The following DPP6 variants were observed in gnomAD, a reference collection of about 807,000 sequenced individuals.
DPP6 encodes dipeptidyl peptidase like 6, also known as A-type potassium channel modulatory protein DPP6.
A neutral mutation model predicts 122.6 loss-of-function variants in DPP6; 69 were observed. That is an observed-to-expected ratio of 0.56 (90% CI 0.46 to 0.69). DPP6 has a LOEUF of 0.69. Among genes scored for constraint, DPP6 ranks in the 30% least tolerant of loss-of-function variants. The pLI is 0.00. For synonymous variants in DPP6, 418 were observed against 433.1 expected (o/e 0.97, Z 0.43); for missense variants, 928 against 1,116.9 (o/e 0.83, Z 2.41).
chr7:154,622,656 AT>A (rs1320812442), intron 5 of DPP6, among the ~76,000 whole-genome samples: 1 of 152,200 alleles, frequency 6.6e-6, no homozygotes, highest in East Asian at 1.9e-4. Flanking sequence ...ATACACGTGG[AT>A]ACCATAGCAG....
intron 1 of DPP6, among the ~76,000 whole-genome samples, chr7:154,419,880 C>T (rs1817317222): frequency 6.6e-6 from 1 of 152,198 alleles, no homozygotes; most frequent in Non-Finnish European, 1.5e-5. Context: ...GTCAAAGAGA[C>T]ACCAGCACCC....
chr7:154,455,517 C>T (rs2151306348), intron 2 of DPP6, among the ~76,000 whole-genome samples: 1 of 152,278 alleles, frequency 6.6e-6, no homozygotes, highest in South Asian at 2.1e-4. Flanking sequence ...GGAGGGAGTT[C>T]TGACAGATTC....
chr7:154,233,782 G>A (rs1052220940), intron 1 of DPP6, among the ~76,000 whole-genome samples: 12 of 152,190 alleles, frequency 7.9e-5, no homozygotes, highest in African/African-American at 2.9e-4. Context: ...CTTTTCTGTT[G>A]TTTAAGCCAC....
intron 1 of DPP6, among the ~76,000 whole-genome samples, chr7:154,147,187 G>A (rs997087198): frequency 1.3e-5 from 2 of 152,108 alleles, no homozygotes; most frequent in Admixed American, 6.5e-5. Flanking sequence ...CACAGGATTG[G>A]TCCTGGGGTC....
intron 1 of DPP6, among the ~76,000 whole-genome samples, chr7:154,309,057 G>A (rs181883449): frequency 6.6e-6 from 1 of 152,288 alleles, no homozygotes; most frequent in East Asian, 1.9e-4. Context: ...TGCACTCGTT[G>A]GTCCTAGTTC....
At chr7:154,065,644 T>C (rs1423862635) in intron 1 of DPP6, among the ~76,000 whole-genome samples, 1 of 151,538 alleles carries the variant, frequency 6.6e-6, no homozygotes, top group African/African-American at 2.4e-5. Context: ...CATCAAGGTA[T>C]AATGGCAAAA....
intron 3 of DPP6, among the ~76,000 whole-genome samples, chr7:154,479,190 A>G (rs1422339248): frequency 6.6e-6 from 1 of 152,202 alleles, no homozygotes; most frequent in Non-Finnish European, 1.5e-5. Context: ...AACATCCTGA[A>G]GACCTTGTAG....
rs1227563291 is a variant in DPP6 at position 153,932,835 on chromosome 7, T to C, written c.51+45101T>C. 3.3e-5 allele frequency among the ~76,000 whole-genome samples: 5 copies of C among 152,138 alleles called. No homozygotes were observed. In the East Asian group the frequency reaches 7.7e-4, roughly 24 times the overall value. ...ACCCGTGTCATATAGTTTGGCTGTG[T>C]CCCCACCCAAATCTCATCGTGAATT... is the stretch of plus-strand genomic sequence containing the variant. On this transcript the variant is annotated intron_variant, in intron 1 of 25. Transcript: ENST00000404039.
At chr7:154,416,460 G>C (rs573193551) in intron 1 of DPP6, among the ~76,000 whole-genome samples, 1 of 152,300 alleles carries the variant, frequency 6.6e-6, no homozygotes, top group East Asian at 1.9e-4. Flanking sequence ...GTGAGAGAGA[G>C]AGAAACCACA....
intron 5 of DPP6, among the ~76,000 whole-genome samples, chr7:154,568,730 C>T (rs966012324): frequency 2.6e-5 from 4 of 152,168 alleles, no homozygotes; most frequent in African/African-American, 9.7e-5. Context: ...ATAACCCTTT[C>T]TCACTGGGCA....
rs977480846 is a variant in DPP6 at position 154,370,532 on chromosome 7, A to G, written c.244-75682A>G. The stretch of plus-strand genomic sequence containing the variant: ...TGAGTAGTTGATAAATGATATTACA[A>G]TCTTTTCTAAATTTAAACTCTTCGT... On this transcript the variant is annotated intron_variant, in intron 1 of 25. Coordinates refer to ENST00000377770, the MANE Select transcript of DPP6 (RefSeq NM_130797.4). Among the ~76,000 whole-genome samples the G allele has an allele frequency of 4.6e-5, 7 of 152,168 alleles. No individual in the cohort carries two copies. In the South Asian group the frequency reaches 1.0e-3, roughly 23 times the overall value.
chr7:153,962,359 CCTT>C (rs796213451), intron 1 of DPP6, among the ~76,000 whole-genome samples: 1 of 152,184 alleles, frequency 6.6e-6, no homozygotes. Context: ...CTCACTTCCT[CCTT>C]CGCTCCTGTG....
intron 1 of DPP6, among the ~76,000 whole-genome samples, chr7:154,433,141 T>TTTG (rs1475860111): frequency 7.7e-5 from 8 of 104,130 alleles, no homozygotes; most frequent in Non-Finnish European, 1.3e-4. Context: ...TGCAAGTTTT[T>TTTG]TTTTTTTTTT....
intron 1 of DPP6, among the ~76,000 whole-genome samples, chr7:153,944,229 C>A (rs1801832877): frequency 6.6e-6 from 1 of 152,220 alleles, no homozygotes; most frequent in African/African-American, 2.4e-5. Context: ...CTCCGGCCCA[C>A]CCTCAACTAA....
At chr7:154,140,175 C>A (rs1795774442) in intron 1 of DPP6, among the ~76,000 whole-genome samples, 1 of 152,176 alleles carries the variant, frequency 6.6e-6, no homozygotes. Flanking sequence ...CAAATCCAAG[C>A]CTACATGTAT....
At chr7:153,919,912 G>A (rs1800551640) in intron 1 of DPP6, among the ~76,000 whole-genome samples, 2 of 152,202 alleles carry the variant, frequency 1.3e-5, no homozygotes, top group African/African-American at 2.4e-5. Flanking sequence ...AAGTTGGCCA[G>A]AGAATGGATT....
chr7:154,440,332 C>G (rs908149002), intron 1 of DPP6, among the ~76,000 whole-genome samples: 1 of 152,126 alleles, frequency 6.6e-6, no homozygotes, highest in African/African-American at 2.4e-5. Context: ...TCCATTATCC[C>G]TCCCTCACCC....
chr7:154,246,314 A>T (rs6957794), intron 1 of DPP6, among the ~76,000 whole-genome samples: 6,367 of 152,276 alleles, frequency 0.042, 385 homozygotes, highest in African/African-American at 0.13. Flanking sequence ...AATTATTTAA[A>T]TTTTTTCTTC....
chr7:154,605,140 G>A (rs1051222573), intron 5 of DPP6, among the ~76,000 whole-genome samples: 1 of 118,588 alleles, frequency 8.4e-6, no homozygotes, highest in Admixed American at 9.6e-5. Flanking sequence ...TGCATATAGA[G>A]GTGATCGTAT....
Sources: allele counts gnomAD v4.1 joint callset (sites outside exome capture counted in the v4.1 genomes callset), GRCh38; gene constraint gnomAD v4.1.1; transcripts MANE v1.5; gene names NCBI Gene and HGNC (gene_info 2026-07-23, HGNC 2026-07-21).